PTPN4: variants seen among roughly 807,000 people sequenced by gnomAD.
PTPN4 encodes the protein protein tyrosine phosphatase non-receptor type 4.
In PTPN4, 49 loss-of-function variants were observed where a neutral mutation model predicts 135.5. The ratio of observed to expected loss-of-function variants is 0.36; its 90% confidence interval spans 0.29 to 0.46. PTPN4 has a LOEUF of 0.46. PTPN4 is among the 20% of genes least tolerant of loss of function. PTPN4 has a pLI of 1.00. For missense variants in PTPN4, 860 were observed against 1,101.0 expected (o/e 0.78, Z 3.10); for synonymous variants, 333 against 369.9 (o/e 0.90, Z 1.14).
intron 10 of PTPN4, among the ~76,000 whole-genome samples, chr2:119,903,556 GACACAC>G (rs35324437): frequency 4.7e-5 from 7 of 147,750 alleles, no homozygotes; most frequent in South Asian, 4.3e-4. Context: ...TGCAGCTGCT[GACACAC>G]ACACACACAC....
Position 119,796,488 on chromosome 2 carries a change from T to C in PTPN4, c.-17-13349T>C, listed in dbSNP as rs1691263149. Reference sequence around the variant, plus strand: ...CTCTTTTTTTGGTCTAATTTGTTTCTCATTGTAATTATTTTTAGACTTGTC... The same window carrying C: ...CTCTTTTTTTGGTCTAATTTGTTTCCCATTGTAATTATTTTTAGACTTGTC... On this transcript the variant is annotated intron_variant, in intron 1 of 26. Coordinates refer to ENST00000263708, the MANE Select transcript of PTPN4 (RefSeq NM_002830.4). 2.6e-5 allele frequency among the ~76,000 whole-genome samples: 4 copies of C among 152,202 alleles called. No homozygotes were observed. In the South Asian group the frequency reaches 8.3e-4, roughly 32 times the overall value.
rs1339259110 is a variant in PTPN4, at chr2:119,982,014, T to G, written c.*4944T>G. 1.3e-5 allele frequency: 2 copies of G among 152,198 alleles called. No homozygotes were observed. The highest frequency in any genetic ancestry group is 2.4e-5 in the African/African-American group (1 of 41,462). The allele number at this position is 152,198 out of a possible 1,614,324, so 9.4% of individuals were successfully genotyped here. ...TCAGCATTGGTTCAGTGCATATACA[T>G]AAGTAAACCAGTTTAAAAAAATTTT... On this transcript the variant is annotated 3_prime_UTR_variant, in exon 27 of 27. Transcript: ENST00000263708.
intron 10 of PTPN4, among the ~76,000 whole-genome samples, chr2:119,908,470 TATTATA>T (rs1313916174): frequency 6.6e-6 from 1 of 152,166 alleles, no homozygotes; most frequent in Non-Finnish European, 1.5e-5. Flanking sequence ...TTGCTCTTAG[TATTATA>T]ATTGTTTTGG....
intron 19 of PTPN4, among the ~76,000 whole-genome samples, chr2:119,954,611 G>C (rs1021107884): frequency 6.6e-6 from 1 of 152,158 alleles, no homozygotes; most frequent in Non-Finnish European, 1.5e-5. Flanking sequence ...CTGAGAGTGG[G>C]TAACGGTAGA....
chr2:119,920,248 A>G lies in PTPN4; in HGVS notation c.1001+7A>G, dbSNP rs1319637133. On this transcript the variant is annotated splice_region_variant and intron_variant, in intron 12 of 26. Transcript: ENST00000263708. ...GTTCAAAATTCCGGTACTGGTAAGT[A>G]TTGCTTCTGTGTTAAGGCTTTATTG... The G allele has an allele frequency of 9.4e-6, 15 of 1,599,114 alleles. No homozygotes were observed. Among genetic ancestry groups the G allele is most frequent in the Non-Finnish European group, 1.2e-5 (14 of 1,170,186 alleles).
chr2:119,956,518 CTG>C (rs1424261972), intron 20 of PTPN4, among the ~76,000 whole-genome samples: 1 of 152,206 alleles, frequency 6.6e-6, no homozygotes, highest in East Asian at 1.9e-4. Context: ...AGTTCATAGA[CTG>C]TAAACACCTC....
Position 119,760,288 on chromosome 2 carries a change from C to T in PTPN4, c.-114C>T, listed in dbSNP as rs1193133389. The T allele has an allele frequency of 5.1e-6, 2 of 395,882 alleles. No homozygotes were observed. The highest frequency in any genetic ancestry group is 8.9e-6 in the Non-Finnish European group (2 of 224,378). The allele number at this position is 395,882 out of a possible 1,614,324, so 24.5% of individuals were successfully genotyped here. On this transcript the variant is annotated 5_prime_UTR_variant, in exon 1 of 27. Transcript: ENST00000263708. ...GCTGCTCGGGGGGCGCTGAGGTAGC[C>T]CCCCGGAGCGGCACGGAGGACGCGC... is the stretch of plus-strand genomic sequence containing the variant.
chr2:119,904,538 C>A (rs1451047318), intron 10 of PTPN4, among the ~76,000 whole-genome samples: 1 of 152,026 alleles, frequency 6.6e-6, no homozygotes, highest in East Asian at 1.9e-4. Context: ...CGTTAAGATA[C>A]CAGAAGCTCA....
chr2:119,963,396 C>G (rs778817646), intron 24 of PTPN4, among the ~76,000 whole-genome samples: 2 of 152,214 alleles, frequency 1.3e-5, no homozygotes, highest in Non-Finnish European at 2.9e-5. Context: ...GTGCACCCTA[C>G]TTTCTCTGCC....
At chr2:119,807,173 G>A (rs990386533) in intron 1 of PTPN4, among the ~76,000 whole-genome samples, 1 of 152,030 alleles carries the variant, frequency 6.6e-6, no homozygotes, top group Non-Finnish European at 1.5e-5. Context: ...AAGAACTAGA[G>A]AAGCAAGAGC....
intron 3 of PTPN4, among the ~76,000 whole-genome samples, chr2:119,874,617 G>A (rs1677959388): frequency 6.6e-6 from 1 of 152,176 alleles, no homozygotes; most frequent in South Asian, 2.1e-4. Context: ...CAACAGGGAA[G>A]GGTACATTGA....
intron 2 of PTPN4, among the ~76,000 whole-genome samples, chr2:119,843,577 C>A (rs1397111445): frequency 9.4e-6 from 1 of 106,082 alleles, no homozygotes; most frequent in East Asian, 2.5e-4. Context: ...CGGGCAGAGG[C>A]GCCCCTCACC....
At chr2:119,888,508 G>A (rs1325121643) in intron 9 of PTPN4, among the ~76,000 whole-genome samples, 1 of 152,048 alleles carries the variant, frequency 6.6e-6, no homozygotes, top group Non-Finnish European at 1.5e-5. Flanking sequence ...TTATTATTTT[G>A]AGGTATGTTC....
chr2:119,815,259 A>G lies in PTPN4; in HGVS notation c.138+5268A>G, dbSNP rs943523200. On this transcript the variant is annotated intron_variant, in intron 2 of 26. Transcript: ENST00000263708. ...TGTTTCATATTCTTTCTTTGTTAAG[A>G]GAGAATAATATCTACCTGACATTAG... Among the ~76,000 whole-genome samples, 3 of 152,314 alleles carry G rather than the reference A, an allele frequency of 2.0e-5. No individual in the cohort carries two copies. In the East Asian group the frequency reaches 5.8e-4, roughly 29 times the overall value.
At chr2:119,836,535 G>A (rs904602108) in intron 2 of PTPN4, among the ~76,000 whole-genome samples, 5 of 152,218 alleles carry the variant, frequency 3.3e-5, no homozygotes, top group African/African-American at 9.6e-5. Flanking sequence ...TGCACTCCAC[G>A]GAGCCTGCGG....
chr2:119,853,441 G>C (rs910912615), intron 2 of PTPN4, among the ~76,000 whole-genome samples: 17 of 152,084 alleles, frequency 1.1e-4, no homozygotes, highest in African/African-American at 3.6e-4. Flanking sequence ...GTGTCTTTGA[G>C]TGTCTTTGGA....
At chr2:119,770,338 G>C (rs943593582) in intron 1 of PTPN4, among the ~76,000 whole-genome samples, 2 of 152,070 alleles carry the variant, frequency 1.3e-5, no homozygotes, top group African/African-American at 4.8e-5. Flanking sequence ...ATAATTCTCA[G>C]ACTTGTCATT....
intron 13 of PTPN4, among the ~76,000 whole-genome samples, chr2:119,930,031 A>G (rs1029048592): frequency 1.3e-5 from 2 of 152,138 alleles, no homozygotes; most frequent in Admixed American, 6.5e-5. Flanking sequence ...TTAAAAATCA[A>G]AGTTTTATGC....
At chr2:119,808,283 A>C (rs900046621) in intron 1 of PTPN4, among the ~76,000 whole-genome samples, 20 of 152,320 alleles carry the variant, frequency 1.3e-4, no homozygotes, top group African/African-American at 4.3e-4. Flanking sequence ...GAGGAAGTCA[A>C]ATTGTCCCTG....
Sources: gnomAD v4.1 joint callset for allele counts (sites outside exome capture counted in the v4.1 genomes callset) on GRCh38, gnomAD v4.1.1 for gene constraint, MANE v1.5 for transcripts, NCBI Gene and HGNC (gene_info 2026-07-23, HGNC 2026-07-21) for gene names.